Variants in ART1 observed in about 807,000 individuals in gnomAD.
The protein encoded by ART1 is GPI-linked NAD(P)(+)--arginine ADP-ribosyltransferase 1.
Under a neutral mutation model 27.0 loss-of-function variants are expected in ART1, and 29 were observed. The observed-to-expected ratio is 1.08, with a 90% CI of 0.80 to 1.47. ART1 has a LOEUF of 1.47. ART1 is among the 40% of genes most tolerant of loss of function. The pLI is 0.00. For missense variants in ART1, 480 were observed against 423.0 expected (o/e 1.13, Z -1.18); for synonymous variants, 201 against 172.2 (o/e 1.17, Z -1.31).
intron 1 of ART1, among the ~76,000 whole-genome samples, chr11:3,646,272 C>G (rs563888294): frequency 6.6e-6 from 1 of 151,766 alleles, no homozygotes; most frequent in African/African-American, 2.4e-5. Context: ...GGGAGATCAG[C>G]GAGGAGGAAG....
rs759834685 is a variant in ART1 at position 3,660,155 on chromosome 11, G to A, written c.636G>A (p.Gln212=). ...SASLKHVAAQ[Q]FGEDTFFGIW... is the part of the protein sequence containing the mutation. Reference sequence around the variant, plus strand: ...CCCTGAAGCATGTTGCAGCCCAGCAGTTTGGTGAGGACACCTTCTTCGGCA... The same window carrying A: ...CCCTGAAGCATGTTGCAGCCCAGCAATTTGGTGAGGACACCTTCTTCGGCA... The change falls in exon 3 of 5, where the codon CAG becomes CAA. Residue 212 remains glutamine, a synonymous_variant. Transcript: ENST00000250693. The A allele has an allele frequency of 1.2e-6, 2 of 1,614,022 alleles. No homozygotes were observed. The highest frequency in any genetic ancestry group is 1.1e-5 in the South Asian group (1 of 91,088).
intron 1 of ART1, among the ~76,000 whole-genome samples, chr11:3,657,467 C>A (rs777668392): frequency 2.6e-5 from 4 of 152,104 alleles, no homozygotes; most frequent in African/African-American, 9.7e-5. Flanking sequence ...CCCAGCTACT[C>A]GGGAGGCTGA....
At position 3,660,105 on chromosome 11, in the gene ART1, A is replaced by G; in HGVS notation, c.586A>G (p.Arg196Gly). 6.2e-7 allele frequency: 1 copy of G among 1,613,750 alleles called. No homozygotes were observed. Among genetic ancestry groups the G allele is most frequent in the Middle Eastern group, 1.6e-4 (1 of 6,062 alleles). Residue 196 changes from arginine to glycine, a missense_variant, in exon 3 of 5, where the codon AGG (arginine) becomes GGG (glycine). Physicochemically the swap from Arg to Gly is moderately radical, Grantham distance 125 (BLOSUM62 -2). Transcript: ENST00000250693. ...FRPAGPRATVRLGGFASASLK... is the reference protein window; with the variant it reads ...FRPAGPRATVGLGGFASASLK... ...GCCAGCAGGGCCCCGGGCCACCGTGAGGCTGGGGGGCTTTGCTTCTGCCTC... is the reference window on the plus strand; with the variant it reads ...GCCAGCAGGGCCCCGGGCCACCGTGGGGCTGGGGGGCTTTGCTTCTGCCTC...
At chr11:3,648,860 C>A (rs1054841594) in intron 1 of ART1, among the ~76,000 whole-genome samples, 1 of 152,054 alleles carries the variant, frequency 6.6e-6, no homozygotes, top group African/African-American at 2.4e-5. Context: ...AAAAACTCCT[C>A]AACCCCTTCT....
chr11:3,655,055 G>C (rs1457680909), intron 1 of ART1, among the ~76,000 whole-genome samples: 1 of 152,222 alleles, frequency 6.6e-6, no homozygotes, highest in Non-Finnish European at 1.5e-5. Context: ...TGGTCTTTGG[G>C]TTGACGGCAA....
At chr11:3,653,455 A>G (rs1035840171) in intron 1 of ART1, among the ~76,000 whole-genome samples, 1 of 148,994 alleles carries the variant, frequency 6.7e-6, no homozygotes, top group African/African-American at 2.6e-5. Context: ...TCTGACTGCC[A>G]GAGAACAACC....
rs746383575 is a variant in ART1 at position 3,660,277 on chromosome 11, A to C, written c.758A>C (p.Asn253Thr). The change falls in exon 3 of 5, where the codon AAT becomes ACT. Residue 253 changes from asparagine to threonine, a missense_variant. Transcript: ENST00000250693. Reference sequence around the variant, plus strand: ...CCCTTTGAGACCTTCCAAGTGATCAATGCCAGCAGACTGGCCCAGGGCCCC... The same window carrying C: ...CCCTTTGAGACCTTCCAAGTGATCACTGCCAGCAGACTGGCCCAGGGCCCC... ...IPPFETFQVI[N>T]ASRLAQGPAR... 9.9e-6 allele frequency: 16 copies of C among 1,612,412 alleles called. No homozygotes were observed. Among genetic ancestry groups the C allele is most frequent in the Non-Finnish European group, 1.1e-5 (13 of 1,180,014 alleles).
chr11:3,653,479 A>G (rs912407916), intron 1 of ART1, among the ~76,000 whole-genome samples: 38 of 149,614 alleles, frequency 2.5e-4, no homozygotes, highest in Non-Finnish European at 1.5e-4. Flanking sequence ...CTTTGACTGT[A>G]ATTTTCCTTT....
At chr11:3,649,409 A>C (rs59859823) in intron 1 of ART1, among the ~76,000 whole-genome samples, 28,231 of 152,074 alleles carry the variant, frequency 0.19, 2,778 homozygotes, top group African/African-American at 0.25. Flanking sequence ...GCCTGACGTC[A>C]AGGCATTCTT....
In ART1 at chr11:3,649,368, C is replaced by A. The variant is rs938773274; in HGVS notation, c.-53+4189C>A. 5.9e-5 allele frequency among the ~76,000 whole-genome samples: 9 copies of A among 152,324 alleles called. No individual in the cohort carries two copies. In the South Asian group the frequency reaches 1.9e-3, roughly 32 times the overall value. ...TCCATCCTGCAAGATCTAAATAATT[C>A]TTGTCGTAAAATGGACAAACGGTCT... On this transcript the variant is annotated intron_variant, in intron 1 of 4. Coordinates refer to ENST00000250693, the MANE Select transcript of ART1 (RefSeq NM_004314.3).
rs1564787056 is a variant in ART1, at chr11:3,663,099, C to CTCATCTCA, written c.887-990_887-983dup. 3.2e-4 allele frequency among the ~76,000 whole-genome samples: 40 copies of CTCATCTCA among 124,836 alleles called. 1 individual carries two copies. The highest frequency in any genetic ancestry group is 4.5e-4 in the Non-Finnish European group (29 of 64,166). The allele number at this position is 124,836 out of a possible 152,430, so 81.9% of individuals were successfully genotyped here. A position where few individuals can be genotyped will look rare whatever the true frequency, so the allele number is the denominator to read the frequency against. On this transcript the variant is annotated intron_variant, in intron 4 of 4. Coordinates refer to ENST00000250693, the MANE Select transcript of ART1 (RefSeq NM_004314.3). The stretch of plus-strand genomic sequence containing the variant: ...TCATCATCTCATCTCATCATCTCAT[C>CTCATCTCA]TCATCTCATCTCATCTCATCTCATC...
chr11:3,653,754 C>A (rs895734141), intron 1 of ART1, among the ~76,000 whole-genome samples: 1 of 151,982 alleles, frequency 6.6e-6, no homozygotes, highest in Non-Finnish European at 1.5e-5. Context: ...CCCCTATAGC[C>A]CATCAGACAT....
chr11:3,654,947 A>G (rs539031135), intron 1 of ART1, among the ~76,000 whole-genome samples: 3 of 152,374 alleles, frequency 2.0e-5, no homozygotes, highest in African/African-American at 7.2e-5. Flanking sequence ...TGGAGACACA[A>G]TGAGAGATAC....
intron 1 of ART1, among the ~76,000 whole-genome samples, chr11:3,651,883 T>A (rs1337459863): frequency 6.6e-6 from 1 of 150,774 alleles, no homozygotes; most frequent in Non-Finnish European, 1.5e-5. Context: ...ATTTCCTTCT[T>A]TCCTGTTCCT....
Position 3,660,295 on chromosome 11 carries a change from AG to A in ART1, c.779del (p.Gly260AlafsTer58), listed in dbSNP as rs1461684575. The A allele has an allele frequency of 6.2e-7, 1 of 1,609,636 alleles. No homozygotes were observed. On this transcript the variant is annotated frameshift_variant, in exon 3 of 5. Coordinates refer to ENST00000250693, the MANE Select transcript of ART1 (RefSeq NM_004314.3). LOFTEE classifies it high-confidence loss of function. ...GTGATCAATGCCAGCAGACTGGCCC[AG>A]GGCCCCGCCCGCATCTACCTCCGAG... is the stretch of plus-strand genomic sequence containing the variant. ...FQVINASRLA[Q>X]GPARIYLRAL...
intron 1 of ART1, among the ~76,000 whole-genome samples, chr11:3,646,386 T>G (rs1049911755): frequency 6.6e-6 from 1 of 152,008 alleles, no homozygotes; most frequent in African/African-American, 2.4e-5. Flanking sequence ...TGTGAATGTT[T>G]GACGAATGAT....
intron 4 of ART1, among the ~76,000 whole-genome samples, chr11:3,663,107 ATC>A (rs749927026): frequency 2.4e-5 from 3 of 124,156 alleles, no homozygotes; most frequent in Admixed American, 1.6e-4. Flanking sequence ...ATCTCATCTC[ATC>A]TCATCTCATC....
At chr11:3,655,191 G>T (rs772309102) in intron 1 of ART1, among the ~76,000 whole-genome samples, 16 of 152,170 alleles carry the variant, frequency 1.1e-4, no homozygotes, top group Admixed American at 6.5e-5. Context: ...TGGGGGTCCA[G>T]ACTAAAGAAG....
At position 3,664,397 on chromosome 11, in the gene ART1, G is replaced by A; in HGVS notation, c.*208G>A. ...CCCAGGGCTGTAGGAGTGAGACTCT[G>A]AATAAAGGGTTGGGCCGGCGGTGTG... On this transcript the variant is annotated 3_prime_UTR_variant, in exon 5 of 5. Transcript: ENST00000250693. 1 of 547,550 alleles carries A rather than the reference G, an allele frequency of 1.8e-6. No individual in the cohort carries two copies. The highest frequency in any genetic ancestry group is 3.3e-6 in the Non-Finnish European group (1 of 306,958). The allele number at this position is 547,550 out of a possible 1,614,324, so 33.9% of individuals were successfully genotyped here. A position where few individuals can be genotyped will look rare whatever the true frequency, so the allele number is the denominator to read the frequency against.
Sources: allele counts gnomAD v4.1 joint callset (sites outside exome capture counted in the v4.1 genomes callset), GRCh38; gene constraint gnomAD v4.1.1; transcripts MANE v1.5; gene names NCBI Gene and HGNC (gene_info 2026-07-23, HGNC 2026-07-21).